Variants in CDH23 observed in about 807,000 individuals in gnomAD.
CDH23 encodes cadherin-23.
In CDH23, 189 loss-of-function variants were observed where a neutral mutation model predicts 317.1. The observed-to-expected ratio is 0.60, with a 90% confidence interval of 0.53 to 0.67. The LOEUF (loss-of-function observed/expected upper bound fraction) is 0.67, where lower values mean the gene tolerates loss of function less well. CDH23 is among the 30% of genes least tolerant of loss of function. CDH23 has a pLI of 0.00. For missense variants in CDH23, 4,401 were observed against 4,592.4 expected, an observed-to-expected ratio of 0.96 and a Z score of 1.20; for synonymous variants, 1,839 against 1,876.8, an observed-to-expected ratio of 0.98 and a Z score of 0.52.
chr10:71,725,814 C>T (rs185476207), intron 30 of CDH23, among the ~76,000 whole-genome samples: 34 of 152,294 alleles, frequency 2.2e-4, no homozygotes, highest in Admixed American at 1.9e-3. Context: ...ACAGAGCTCT[C>T]TAGGGTAAGT....
At chr10:71,683,875 G>A (rs541060200) in intron 18 of CDH23, among the ~76,000 whole-genome samples, 1 of 152,256 alleles carries the variant, frequency 6.6e-6, no homozygotes, top group South Asian at 2.1e-4. Flanking sequence ...GAGGTCAGGA[G>A]CTTGAGACTA....
chr10:71,662,507 C>T (rs895177284), intron 14 of CDH23, among the ~76,000 whole-genome samples: 3 of 152,148 alleles, frequency 2.0e-5, no homozygotes, highest in African/African-American at 4.8e-5. Context: ...TGGGAAGATG[C>T]TGTCATGGTA....
At chr10:71,421,207 G>A (rs1231031224) in intron 1 of CDH23, among the ~76,000 whole-genome samples, 1 of 152,238 alleles carries the variant, frequency 6.6e-6, no homozygotes, top group African/African-American at 2.4e-5. Flanking sequence ...TGGGCCTTGG[G>A]TAATGCCCGG....
At chr10:71,814,900 G>T in intron 69 of CDH23, 52 bp from the exon 70 acceptor site, 1 of 1,532,970 alleles carries the variant, frequency 6.5e-7, no homozygotes, top group Non-Finnish European at 8.8e-7. Flanking sequence ...CCATCCACCT[G>T]CTCACCCCTT....
At chr10:71,546,930 C>T (rs1165274209) in intron 6 of CDH23, among the ~76,000 whole-genome samples, 1 of 152,246 alleles carries the variant, frequency 6.6e-6, no homozygotes, top group Non-Finnish European at 1.5e-5. Context: ...GACTTCAGAG[C>T]TGGTATTTCC....
intron 11 of CDH23, among the ~76,000 whole-genome samples, chr10:71,621,752 C>G (rs981292534): frequency 6.6e-6 from 1 of 152,176 alleles, no homozygotes. Context: ...GCCACCAGAT[C>G]GAAGATTCTG....
At chr10:71,518,993 A>G (rs1337645494) in intron 6 of CDH23, among the ~76,000 whole-genome samples, 2 of 152,260 alleles carry the variant, frequency 1.3e-5, no homozygotes, top group South Asian at 2.1e-4. Context: ...GAAAGAGGAC[A>G]GCGTGGGAGC....
In CDH23 at chr10:71,483,455, G is replaced by A. The variant is rs188181855; in HGVS notation, c.146-26627G>A. ...TGATTCCCAGCTGGGTCTCAACCCCGCCCCTCATCTTGCTCCTCACTTTGC... is the reference window on the plus strand; with the variant it reads ...TGATTCCCAGCTGGGTCTCAACCCCACCCCTCATCTTGCTCCTCACTTTGC... On this transcript the variant is annotated intron_variant, in intron 3 of 69. Transcript: ENST00000224721. Among the ~76,000 whole-genome samples, 164 of 152,096 alleles carry A rather than the reference G, an allele frequency of 1.1e-3. 1 individual carries two copies. Among genetic ancestry groups the A allele is most frequent in the African/African-American group, 3.9e-3 (160 of 41,472 alleles).
intron 1 of CDH23, among the ~76,000 whole-genome samples, chr10:71,431,381 A>G (rs1849365106): frequency 6.6e-6 from 1 of 152,158 alleles, no homozygotes; most frequent in South Asian, 2.1e-4. Context: ...CAGAATAGCC[A>G]TGAGGTGGTC....
chr10:71,652,072 C>T (rs1452630019), intron 14 of CDH23, among the ~76,000 whole-genome samples: 1 of 152,152 alleles, frequency 6.6e-6, no homozygotes, highest in Admixed American at 6.5e-5. Context: ...CTTCCCCAGT[C>T]GGAGGAAGCC....
intron 11 of CDH23, among the ~76,000 whole-genome samples, chr10:71,631,273 C>T (rs147614816): frequency 1.1e-3 from 166 of 152,232 alleles, no homozygotes; most frequent in Non-Finnish European, 1.9e-3. Context: ...ATAAAGCCAC[C>T]GCTCTAGCTG....
At chr10:71,507,695 C>CA (rs1396316979) in intron 3 of CDH23, among the ~76,000 whole-genome samples, 3 of 152,086 alleles carry the variant, frequency 2.0e-5, no homozygotes, top group African/African-American at 7.2e-5. Context: ...CCCTGCCACC[C>CA]AAAAAATAAT....
In CDH23 at chr10:71,778,254, C is replaced by T. The variant is rs184576414; in HGVS notation, c.5133C>T (p.Val1711=). 2 of 1,613,980 alleles carry T rather than the reference C, an allele frequency of 1.2e-6. No individual in the cohort carries two copies. Among genetic ancestry groups the T allele is most frequent in the African/African-American group, 1.3e-5 (1 of 75,014 alleles). The part of the protein sequence containing the change: ...EISHGRYTLI[V]TATDQCPILS... ...GCCACGGCCGCTACACCCTGATCGT[C>T]ACTGCCACAGACCAGTGCCCCATCT... The change falls in exon 40 of 70, where the codon GTC becomes GTT. Residue 1711 remains valine, a synonymous_variant. Coordinates refer to ENST00000224721, the MANE Select transcript of CDH23 (RefSeq NM_022124.6).
chr10:71,695,370 GC>G, intron 21 of CDH23, 47 bp from the exon 22 acceptor site: 2 of 1,340,962 alleles, frequency 1.5e-6, no homozygotes, highest in Non-Finnish European at 2.2e-6. Context: ...CCCTGCCCTG[GC>G]CCATCTCAGC....
At chr10:71,798,049 A>G (rs927944780) in intron 49 of CDH23, among the ~76,000 whole-genome samples, 2 of 152,204 alleles carry the variant, frequency 1.3e-5, no homozygotes, top group Non-Finnish European at 2.9e-5. Context: ...CATACAGCTC[A>G]GACAGGATCT....
At position 71,704,894 on chromosome 10, in the gene CDH23, C is replaced by A; in HGVS notation, c.2734-17C>A. The A allele has an allele frequency of 1.3e-6, 2 of 1,597,868 alleles. No individual in the cohort carries two copies. Among genetic ancestry groups the A allele is most frequent in the Non-Finnish European group, 1.7e-6 (2 of 1,166,376 alleles). On this transcript the variant is annotated splice_polypyrimidine_tract_variant and intron_variant, in intron 24 of 69. Transcript: ENST00000224721. ...GTGTCCCCTCCCCACCCTCATGCTG[C>A]CCCTCCTTGCCCTCAGGTGGTGGCC...
At chr10:71,510,296 C>T (rs993395049) in intron 4 of CDH23, 72 bp downstream of exon 4, 183 of 1,550,348 alleles carry the variant, frequency 1.2e-4, no homozygotes, top group African/African-American at 2.2e-4. Context: ...AAGGACGGCC[C>T]GCCATCTTTT....
chr10:71,495,827 A>AGGAAGGAAGGAAGGAAGGAAG (rs1564615543), intron 3 of CDH23, among the ~76,000 whole-genome samples: 64 of 146,226 alleles, frequency 4.4e-4, no homozygotes, highest in African/African-American at 1.7e-3. Context: ...AAAAAAAGAA[A>AGGAAGGAAGGAAGGAAGGAAG]GAAAGAAAGA....
intron 9 of CDH23, among the ~76,000 whole-genome samples, chr10:71,587,702 A>G (rs576582734): frequency 4.7e-4 from 72 of 152,292 alleles, no homozygotes; most frequent in Middle Eastern, 3.4e-3. Flanking sequence ...AAGGTCTCCA[A>G]TATCTTCTGG....
Sources: gnomAD v4.1 joint callset for allele counts (sites outside exome capture counted in the v4.1 genomes callset) on GRCh38, gnomAD v4.1.1 for gene constraint, MANE v1.5 for transcripts, NCBI Gene and HGNC (gene_info 2026-07-23, HGNC 2026-07-21) for gene names.